Variants in PLCB4 observed in about 807,000 individuals in gnomAD.
PLCB4 encodes the protein phospholipase C beta 4, also known as 1-phosphatidylinositol 4,5-bisphosphate phosphodiesterase beta-4.
A neutral mutation model predicts 178.8 loss-of-function variants in PLCB4; 77 were observed. The ratio of observed to expected loss-of-function variants is 0.43; its 90% CI spans 0.36 to 0.52. The LOEUF (loss-of-function observed/expected upper bound fraction) is 0.52. PLCB4 is among the 20% of genes least tolerant of loss of function. PLCB4 has a pLI of 0.00. For synonymous variants in PLCB4, 496 were observed against 490.8 expected (o/e 1.01, Z -0.14); for missense variants, 1,024 against 1,453.4 (o/e 0.70, Z 4.80).
chr20:9,092,852 A>C (rs905724979), intron 1 of PLCB4, among the ~76,000 whole-genome samples: 3 of 152,142 alleles, frequency 2.0e-5, no homozygotes, highest in African/African-American at 7.2e-5. Flanking sequence ...ACTTTCTCAG[A>C]GCTCTCTCTC....
At chr20:9,147,804 C>G (rs760294747) in intron 2 of PLCB4, among the ~76,000 whole-genome samples, 1 of 152,056 alleles carries the variant, frequency 6.6e-6, no homozygotes, top group Non-Finnish European at 1.5e-5. Context: ...ACAGCCAATT[C>G]TAGAGTGAGA....
At chr20:9,434,852 A>G (rs572105393) in intron 28 of PLCB4, among the ~76,000 whole-genome samples, 79 of 152,352 alleles carry the variant, frequency 5.2e-4, no homozygotes, top group Non-Finnish European at 9.0e-4. Context: ...TTTAAAATGT[A>G]TAAATTATGG....
chr20:9,081,788 A>C (rs933492251), intron 1 of PLCB4, among the ~76,000 whole-genome samples: 2 of 151,762 alleles, frequency 1.3e-5, no homozygotes, highest in African/African-American at 4.8e-5. Flanking sequence ...AAAAAAGCCA[A>C]AGTTTAGTAA....
intron 1 of PLCB4, among the ~76,000 whole-genome samples, chr20:9,075,084 G>T (rs1342261860): frequency 1.3e-5 from 2 of 152,106 alleles, no homozygotes; most frequent in Non-Finnish European, 2.9e-5. Flanking sequence ...GCCTTTTTGA[G>T]TGTGTCCTAA....
intron 38 of PLCB4, among the ~76,000 whole-genome samples, chr20:9,476,473 C>A (rs559379725): frequency 6.6e-6 from 1 of 152,296 alleles, no homozygotes; most frequent in Non-Finnish European, 1.5e-5. Flanking sequence ...CCACTTACTG[C>A]CACAGAAGAG....
intron 19 of PLCB4, 128 bp from the exon 20 acceptor site, chr20:9,401,362 A>T: frequency 1.5e-6 from 1 of 653,438 alleles, no homozygotes; most frequent in Non-Finnish European, 2.8e-6. Flanking sequence ...TGCATATATC[A>T]ATGTCCCCAT....
chr20:9,357,867 C>T (rs1016216521), intron 7 of PLCB4, among the ~76,000 whole-genome samples: 2 of 152,194 alleles, frequency 1.3e-5, no homozygotes, highest in Admixed American at 6.5e-5. Context: ...ACCAAACTCA[C>T]ATCTTATATG....
intron 7 of PLCB4, among the ~76,000 whole-genome samples, chr20:9,341,569 GGAA>G (rs1424317432): frequency 6.6e-6 from 1 of 152,022 alleles, no homozygotes; most frequent in Admixed American, 6.6e-5. Context: ...AAGCAGAGGA[GGAA>G]GAAGAGGAAG....
intron 3 of PLCB4, among the ~76,000 whole-genome samples, chr20:9,279,352 G>A (rs2094474958): frequency 6.6e-6 from 1 of 151,986 alleles, no homozygotes; most frequent in Non-Finnish European, 1.5e-5. Context: ...TAGAGTGCTA[G>A]ATAGAAATGT....
At position 9,476,716 on chromosome 20, in the gene PLCB4, G is replaced by A. The variant is rs1266914455; in HGVS notation, c.3496-1G>A. ...TGACATTACTATTTTTGTACAAACA[G>A]CTTTTGAAATCCTGTCATGCAGTGT... On this transcript the variant is annotated splice_acceptor_variant, in intron 38 of 39. Coordinates refer to ENST00000378473, the MANE Select transcript of PLCB4 (RefSeq NM_001377142.1). LOFTEE classifies it high-confidence loss of function. The A allele has an allele frequency of 3.1e-6, 5 of 1,604,744 alleles. 1 individual carries two copies. In the South Asian group the frequency reaches 5.5e-5, roughly 18 times the overall value.
intron 7 of PLCB4, among the ~76,000 whole-genome samples, chr20:9,360,317 C>T (rs2035210011): frequency 6.6e-6 from 1 of 152,164 alleles, no homozygotes; most frequent in African/African-American, 2.4e-5. Flanking sequence ...ACCTTTCCAT[C>T]ACAATAAACA....
At chr20:9,402,908 G>A (rs1449110964) in intron 20 of PLCB4, among the ~76,000 whole-genome samples, 2 of 152,146 alleles carry the variant, frequency 1.3e-5, no homozygotes, top group East Asian at 1.9e-4. Flanking sequence ...TCAAGGGGAG[G>A]TGTTCATATA....
chr20:9,193,905 A>AC (rs1171658395), intron 2 of PLCB4, among the ~76,000 whole-genome samples: 1 of 152,126 alleles, frequency 6.6e-6, no homozygotes, highest in Non-Finnish European at 1.5e-5. Context: ...TCAGTGTTAG[A>AC]CCATTAGACC....
chr20:9,283,270 A>G (rs1202715854), intron 3 of PLCB4, among the ~76,000 whole-genome samples: 1 of 151,976 alleles, frequency 6.6e-6, no homozygotes, highest in Non-Finnish European at 1.5e-5. Context: ...ATGACAAATA[A>G]ATAAAGCCCT....
intron 7 of PLCB4, among the ~76,000 whole-genome samples, chr20:9,350,652 G>A (rs1048702014): frequency 1.8e-4 from 27 of 151,702 alleles, no homozygotes; most frequent in African/African-American, 6.1e-4. Context: ...TCTGCCTCCC[G>A]GGTTCAAGTT....
intron 3 of PLCB4, among the ~76,000 whole-genome samples, chr20:9,292,591 G>A (rs1378895563): frequency 2.6e-5 from 4 of 152,134 alleles, no homozygotes; most frequent in African/African-American, 9.7e-5. Flanking sequence ...TGGTGTGGTT[G>A]GAATGTTTAT....
chr20:9,367,633 C>G (rs979416922), intron 9 of PLCB4, among the ~76,000 whole-genome samples: 1 of 152,144 alleles, frequency 6.6e-6, no homozygotes, highest in Non-Finnish European at 1.5e-5. Flanking sequence ...CCTTACTATC[C>G]TGCTTTTTCT....
At chr20:9,285,797 G>A (rs2094531464) in intron 3 of PLCB4, among the ~76,000 whole-genome samples, 1 of 152,006 alleles carries the variant, frequency 6.6e-6, no homozygotes, top group South Asian at 2.1e-4. Context: ...ATGGCTCCAG[G>A]TAGCAAGTGA....
chr20:9,239,446 G>A lies in PLCB4; in HGVS notation c.-16+21994G>A, dbSNP rs185123143. Among the ~76,000 whole-genome samples the A allele has an allele frequency of 2.1e-3, 318 of 152,202 alleles. 3 individuals are homozygous for A. Among genetic ancestry groups the A allele is most frequent in the African/African-American group, 7.0e-3 (289 of 41,544 alleles). ...GTTCATGGCTGACCCCTATAACAAA[G>A]ACAGATTAGCAAGAGAAAAACGTAA... On this transcript the variant is annotated intron_variant, in intron 3 of 39. Coordinates refer to ENST00000378473, the MANE Select transcript of PLCB4 (RefSeq NM_001377142.1).
Sources: allele counts gnomAD v4.1 joint callset (sites outside exome capture counted in the v4.1 genomes callset), GRCh38; gene constraint gnomAD v4.1.1; transcripts MANE v1.5; gene names NCBI Gene and HGNC (gene_info 2026-07-23, HGNC 2026-07-21).